RSRC1: variants seen among roughly 807,000 people sequenced by gnomAD.
RSRC1 encodes the protein arginine and serine rich coiled-coil 1, also known as serine/Arginine-related protein 53.
In RSRC1, 39 loss-of-function variants were observed where a neutral mutation model predicts 49.1. The ratio of observed to expected loss-of-function variants is 0.79; its 90% confidence interval spans 0.61 to 1.04. The LOEUF is 1.04. RSRC1 is among the 50% of genes least tolerant of loss of function. The pLI, the probability that RSRC1 is intolerant of heterozygous loss-of-function variation, is 0.00. For missense variants in RSRC1, 388 were observed against 402.4 expected, an observed-to-expected ratio of 0.96 and a Z score of 0.31; for synonymous variants, 143 against 130.8, an observed-to-expected ratio of 1.09 and a Z score of -0.63.
intron 7 of RSRC1, among the ~76,000 whole-genome samples, chr3:158,465,938 A>G (rs1737868257): frequency 6.6e-6 from 1 of 152,178 alleles, no homozygotes; most frequent in Non-Finnish European, 1.5e-5. Flanking sequence ...AGTAAAGAAA[A>G]AAGAAAATTC....
At chr3:158,449,629 A>ATAT (rs1553808633) in intron 6 of RSRC1, among the ~76,000 whole-genome samples, 8 of 151,486 alleles carry the variant, frequency 5.3e-5, no homozygotes, top group Non-Finnish European at 1.2e-4. Context: ...ATATATATAT[A>ATAT]TTTTTATTAT....
At chr3:158,215,536 CT>C (rs1425277214) in intron 4 of RSRC1, among the ~76,000 whole-genome samples, 1 of 151,648 alleles carries the variant, frequency 6.6e-6, no homozygotes, top group Non-Finnish European at 1.5e-5. Context: ...CATTAATTTT[CT>C]GTTTATTTCC....
intron 7 of RSRC1, among the ~76,000 whole-genome samples, chr3:158,466,029 TTA>T (rs1351716165): frequency 1.3e-5 from 2 of 152,206 alleles, no homozygotes; most frequent in Non-Finnish European, 2.9e-5. Context: ...ATACTCTTGA[TTA>T]TATGTCTGCA....
At chr3:158,178,395 T>A (rs1719379712) in intron 3 of RSRC1, among the ~76,000 whole-genome samples, 1 of 152,166 alleles carries the variant, frequency 6.6e-6, no homozygotes, top group Non-Finnish European at 1.5e-5. Flanking sequence ...ATCTTCAGCC[T>A]CCCAGAGTGC....
At chr3:158,224,010 A>C (rs887077907) in intron 4 of RSRC1, among the ~76,000 whole-genome samples, 2 of 151,828 alleles carry the variant, frequency 1.3e-5, no homozygotes, top group Non-Finnish European at 2.9e-5. Flanking sequence ...CAGAGTACTT[A>C]TCACAGTGTG....
intron 3 of RSRC1, 94 bp from the exon 4 acceptor site, chr3:158,202,978 C>G: frequency 4.2e-6 from 4 of 950,496 alleles, no homozygotes. Context: ...ACAACTAAAA[C>G]TAAGTAGTTT....
intron 7 of RSRC1, among the ~76,000 whole-genome samples, chr3:158,534,047 G>A (rs995669858): frequency 6.6e-6 from 1 of 151,528 alleles, no homozygotes; most frequent in African/African-American, 2.4e-5. Context: ...TATTATGTGG[G>A]AAGATATATT....
chr3:158,270,438 T>C (rs1725446486), intron 4 of RSRC1, among the ~76,000 whole-genome samples: 1 of 152,220 alleles, frequency 6.6e-6, no homozygotes, highest in Non-Finnish European at 1.5e-5. Context: ...GGAATTGCGC[T>C]GTGCCAGTAG....
At chr3:158,299,593 C>T (rs1727421804) in intron 5 of RSRC1, among the ~76,000 whole-genome samples, 1 of 152,084 alleles carries the variant, frequency 6.6e-6, no homozygotes, top group Non-Finnish European at 1.5e-5. Flanking sequence ...GCCTCAGCCT[C>T]CCAAAATGCT....
intron 7 of RSRC1, among the ~76,000 whole-genome samples, chr3:158,477,798 TTATATATA>T (rs67839411): frequency 1.1e-5 from 1 of 89,772 alleles, no homozygotes; most frequent in African/African-American, 4.6e-5. Flanking sequence ...CGGGAGGGAT[TTATATATA>T]TATATATATA....
intron 7 of RSRC1, among the ~76,000 whole-genome samples, chr3:158,527,355 G>T (rs1260852645): frequency 2.6e-5 from 4 of 151,942 alleles, no homozygotes; most frequent in Non-Finnish European, 5.9e-5. Flanking sequence ...GATGCAAGAA[G>T]AGAGTTGGAG....
intron 7 of RSRC1, among the ~76,000 whole-genome samples, chr3:158,504,159 T>G (rs1739741365): frequency 6.6e-6 from 1 of 151,998 alleles, no homozygotes; most frequent in African/African-American, 2.4e-5. Flanking sequence ...CCAGTGGGGG[T>G]GTGTGTTCGG....
chr3:158,424,902 A>G (rs1735315605), intron 6 of RSRC1, among the ~76,000 whole-genome samples: 1 of 151,694 alleles, frequency 6.6e-6, no homozygotes. Flanking sequence ...GGTAGTTTGT[A>G]TTTCTGTGGG....
intron 4 of RSRC1, among the ~76,000 whole-genome samples, chr3:158,270,914 T>G (rs1374240419): frequency 6.6e-6 from 1 of 152,124 alleles, no homozygotes; most frequent in East Asian, 1.9e-4. Flanking sequence ...TAGGGATAAT[T>G]TTTACCTTTT....
chr3:158,210,627 G>A (rs1721622513), intron 4 of RSRC1, among the ~76,000 whole-genome samples: 2 of 151,900 alleles, frequency 1.3e-5, no homozygotes, highest in South Asian at 2.1e-4. Context: ...GTGGCCCATT[G>A]TGTTGTTGGC....
At chr3:158,288,368 T>G (rs1726700474) in intron 4 of RSRC1, among the ~76,000 whole-genome samples, 1 of 152,190 alleles carries the variant, frequency 6.6e-6, no homozygotes, top group African/African-American at 2.4e-5. Flanking sequence ...GAGCATGGGT[T>G]GAAGTGGGGG....
intron 3 of RSRC1, among the ~76,000 whole-genome samples, chr3:158,161,598 C>A (rs1370615371): frequency 6.6e-6 from 1 of 151,976 alleles, no homozygotes; most frequent in African/African-American, 2.4e-5. Context: ...TCCATCTCTA[C>A]TAAAAATGAA....
intron 7 of RSRC1, among the ~76,000 whole-genome samples, chr3:158,477,798 T>TTTTTTATATATATATATATATATATA (rs1485762587): frequency 1.1e-5 from 1 of 89,772 alleles, no homozygotes; most frequent in Non-Finnish European, 2.3e-5. Context: ...CGGGAGGGAT[T>TTTTTTATATATATATATATATATATA]TATATATATA....
chr3:158,168,028 C>T (rs1718641792), intron 3 of RSRC1, among the ~76,000 whole-genome samples: 1 of 149,978 alleles, frequency 6.7e-6, no homozygotes, highest in Non-Finnish European at 1.5e-5. Flanking sequence ...TATCGTAGAC[C>T]TGGGTTTAGC....
Sources: allele counts gnomAD v4.1 joint callset (sites outside exome capture counted in the v4.1 genomes callset), GRCh38; gene constraint gnomAD v4.1.1; transcripts MANE v1.5; gene names NCBI Gene and HGNC (gene_info 2026-07-23, HGNC 2026-07-21).